Variants in LSP1 observed in about 807,000 individuals in gnomAD.
LSP1 encodes the protein lymphocyte-specific protein 1.
LSP1 carries 32 observed loss-of-function variants against 49.3 expected under a neutral mutation model. The ratio of observed to expected loss-of-function variants is 0.65; its 90% CI spans 0.49 to 0.87. LSP1 has a LOEUF of 0.87. Ranked by LOEUF, LSP1 falls within the 40% of genes least tolerant of loss-of-function variation. LSP1 has a pLI of 0.00. For missense variants in LSP1, 428 were observed against 442.6 expected, an observed-to-expected ratio of 0.97 and a Z score of 0.30; for synonymous variants, 179 against 178.8, an observed-to-expected ratio of 1.00 and a Z score of -0.01.
At chr11:1,887,172 C>T in intron 8 of LSP1, 65 bp from the exon 9 acceptor site, 2 of 1,360,484 alleles carry the variant, frequency 1.5e-6, no homozygotes, top group Non-Finnish European at 2.0e-6. Context: ...AGAGAAGGGC[C>T]CAGGGCTTCT....
At chr11:1,881,364 G>A (rs1173838741) in intron 2 of LSP1, 68 bp from the exon 3 acceptor site, 4 of 1,445,220 alleles carry the variant, frequency 2.8e-6, no homozygotes, top group Non-Finnish European at 3.7e-6. Flanking sequence ...GCGCCGTGAG[G>A]TGAGTGTGGG....
intron 10 of LSP1, chr11:1,890,311 C>T (rs1012739262): frequency 1.4e-6 from 1 of 711,178 alleles, no homozygotes; most frequent in African/African-American, 1.7e-5. Context: ...AGGCGTGGGG[C>T]TTCGGCGGGG....
Position 1,887,646 on chromosome 11 carries a change from C to G in LSP1, c.*13+70C>G. On this transcript the variant is annotated intron_variant, in intron 10 of 10. Coordinates refer to ENST00000311604, the MANE Select transcript of LSP1 (RefSeq NM_002339.3). ...TGCACTGTGCTGGGAACTTGGCAAC[C>G]TGGAGGCTGCCTGGAGCCCTGTTGC... is the stretch of plus-strand genomic sequence containing the variant. 4 of 1,278,510 alleles carry G rather than the reference C, an allele frequency of 3.1e-6. No homozygotes were observed. In the South Asian group the frequency reaches 5.0e-5, roughly 16 times the overall value. The allele number at this position is 1,278,510 out of a possible 1,614,324, so 79.2% of individuals were successfully genotyped here. A position where few individuals can be genotyped will look rare whatever the true frequency, so the allele number is the denominator to read the frequency against.
intron 1 of LSP1, among the ~76,000 whole-genome samples, chr11:1,865,550 C>T (rs577267305): frequency 4.8e-5 from 7 of 144,368 alleles, no homozygotes; most frequent in East Asian, 2.0e-4. Flanking sequence ...CCACCCGCAC[C>T]GCCGGCTGCA....
intron 1 of LSP1, among the ~76,000 whole-genome samples, chr11:1,855,379 G>C (rs999435163): frequency 2.0e-5 from 3 of 152,160 alleles, no homozygotes; most frequent in Non-Finnish European, 4.4e-5. Flanking sequence ...ATGTCACAGA[G>C]TGCCAGGTAC....
intron 1 of LSP1, among the ~76,000 whole-genome samples, chr11:1,872,180 TCCGG>T (rs1213348693): frequency 1.8e-4 from 24 of 134,964 alleles, no homozygotes; most frequent in African/African-American, 3.2e-4. Context: ...TTGGGGTCTG[TCCGG>T]CTGGCGTGGG....
chr11:1,880,170 C>A lies in LSP1; in HGVS notation c.137C>A (p.Ala46Asp), dbSNP rs1848478638. 7 of 1,605,330 alleles carry A rather than the reference C, an allele frequency of 4.4e-6. No individual in the cohort carries two copies. Among genetic ancestry groups the A allele is most frequent in the African/African-American group, 1.3e-5 (1 of 74,552 alleles). ...CATGAGAGAGACAGGCAGCTTCAGG[C>A]CCAGGACGAGGAGGGAGGCGGCCAT... ...CQHERDRQLQ[A>D]QDEEGGGHVP... Residue 46 changes from alanine (A) to aspartate (D), a missense_variant, in exon 2 of 11, where the codon GCC becomes GAC. Ala to Asp is a moderately radical substitution (Grantham distance 126). Coordinates refer to ENST00000311604, the MANE Select transcript of LSP1 (RefSeq NM_002339.3).
chr11:1,861,203 G>A (rs1006939816), intron 1 of LSP1, among the ~76,000 whole-genome samples: 2 of 152,156 alleles, frequency 1.3e-5, no homozygotes, highest in African/African-American at 2.4e-5. Flanking sequence ...CCCAAGGAAA[G>A]AATTACTTAT....
intron 1 of LSP1, among the ~76,000 whole-genome samples, chr11:1,866,102 C>T (rs1035938754): frequency 1.3e-5 from 2 of 152,126 alleles, no homozygotes; most frequent in African/African-American, 4.8e-5. Flanking sequence ...CCCTCTGCAC[C>T]GTCAGCCACT....
At chr11:1,861,275 T>A (rs947093022) in intron 1 of LSP1, among the ~76,000 whole-genome samples, 1 of 152,242 alleles carries the variant, frequency 6.6e-6, no homozygotes, top group African/African-American at 2.4e-5. Context: ...GCCTTTACCC[T>A]GATTTATATT....
chr11:1,868,931 C>T, intron 1 of LSP1: 1 of 986,066 alleles, frequency 1.0e-6, no homozygotes, highest in South Asian at 4.7e-5. Context: ...CACCCTGAGG[C>T]CAGAGGGAGC....
At chr11:1,887,629 G>GCAC in intron 10 of LSP1, 53 bp downstream of exon 10, 6 of 1,477,896 alleles carry the variant, frequency 4.1e-6, no homozygotes, top group South Asian at 1.1e-5. Context: ...CGTGCACTGT[G>GCAC]CTGGGAACTT....
At chr11:1,874,101 C>G (rs373642068) in intron 1 of LSP1, among the ~76,000 whole-genome samples, 1 of 13,624 alleles carries the variant, frequency 7.3e-5, no homozygotes, top group Non-Finnish European at 1.7e-4. Flanking sequence ...GCAGGGAGGC[C>G]GGCAGAGGAG....
intron 1 of LSP1, among the ~76,000 whole-genome samples, chr11:1,867,864 C>T (rs1381951575): frequency 7.0e-6 from 1 of 143,480 alleles, no homozygotes; most frequent in Non-Finnish European, 1.5e-5. Context: ...CTTGTCTACA[C>T]CCAGTGCAAG....
chr11:1,881,446 C>A lies in LSP1; in HGVS notation c.206C>A (p.Pro69His), dbSNP rs1323838117. 2.5e-6 allele frequency: 4 copies of A among 1,574,570 alleles called. No individual in the cohort carries two copies. The highest frequency in any genetic ancestry group is 2.6e-6 in the Non-Finnish European group (3 of 1,159,592). Residue 69 changes from proline to histidine, a missense_variant, in exon 3 of 11, where the codon CCC becomes CAC. By Grantham distance (77) the Pro-to-His change is moderately conservative (BLOSUM62 -2). Transcript: ENST00000311604. ...GCTACCCTCAGCCTCAGCCTGAAGC[C>A]CTCGGAGGCCCCTGAACTGGATGAG... ...PKQEMLLSLKPSEAPELDEDE... is the reference protein window; with the variant it reads ...PKQEMLLSLKHSEAPELDEDE...
intron 1 of LSP1, among the ~76,000 whole-genome samples, chr11:1,862,349 T>C (rs1047121828): frequency 6.6e-6 from 1 of 152,252 alleles, no homozygotes; most frequent in Non-Finnish European, 1.5e-5. Context: ...TCACTTCCCA[T>C]CCATCAGCAT....
intron 1 of LSP1, among the ~76,000 whole-genome samples, chr11:1,855,679 C>T (rs1351002057): frequency 9.2e-5 from 14 of 152,230 alleles, no homozygotes; most frequent in Non-Finnish European, 1.3e-4. Flanking sequence ...GGCTGGACTG[C>T]GGTTCCTCCA....
intron 1 of LSP1, among the ~76,000 whole-genome samples, chr11:1,853,615 T>C (rs7113809): frequency 0.67 from 101,699 of 152,062 alleles, 34,306 homozygotes; most frequent in East Asian, 0.78. Flanking sequence ...GGCCCGGGCC[T>C]GGCCACCTGC....
intron 1 of LSP1, among the ~76,000 whole-genome samples, chr11:1,857,499 T>C (rs1847518866): frequency 6.6e-6 from 1 of 152,224 alleles, no homozygotes; most frequent in Admixed American, 6.5e-5. Flanking sequence ...TCTCCCGCTC[T>C]GAGTCCTCAG....
Sources: gnomAD v4.1 joint callset for allele counts (sites outside exome capture counted in the v4.1 genomes callset) on GRCh38, gnomAD v4.1.1 for gene constraint, MANE v1.5 for transcripts, NCBI Gene and HGNC (gene_info 2026-07-23, HGNC 2026-07-21) for gene names.